Variants in RNF6 observed in about 807,000 individuals in gnomAD.
The protein encoded by RNF6 is ring finger protein 6.
In RNF6, 21 loss-of-function variants were observed where a neutral mutation model predicts 50.1. The ratio of observed to expected loss-of-function variants is 0.42; its 90% CI spans 0.30 to 0.60. RNF6 has a LOEUF of 0.60. Among genes scored for constraint, RNF6 ranks in the 20% least tolerant of loss-of-function variants. The pLI is 0.20. For missense variants in RNF6, 698 were observed against 838.2 expected (o/e 0.83, Z 2.07); for synonymous variants, 255 against 291.8 (o/e 0.87, Z 1.29).
chr13:26,188,057 G>A (rs1873640493), intron 5 of RNF6, among the ~76,000 whole-genome samples: 1 of 152,172 alleles, frequency 6.6e-6, no homozygotes, highest in South Asian at 2.1e-4. Context: ...TAATATCCAA[G>A]GTCCCTTCAG....
chr13:26,207,825 T>C (rs1381027952), downstream of RNF6, among the ~76,000 whole-genome samples: 1 of 152,194 alleles, frequency 6.6e-6, no homozygotes, highest in Non-Finnish European at 1.5e-5. Flanking sequence ...TTCTGGCCCC[T>C]TGGACCCATG....
chr13:26,156,491 G>A (rs7320397), intron 5 of RNF6, among the ~76,000 whole-genome samples: 110,675 of 152,120 alleles, frequency 0.73, 40,482 homozygotes, highest in East Asian at 0.83. Flanking sequence ...TAGTTAAAAT[G>A]CCACATATGT....
chr13:26,162,438 C>A (rs1872257307), intron 5 of RNF6, among the ~76,000 whole-genome samples: 1 of 152,212 alleles, frequency 6.6e-6, no homozygotes, highest in Non-Finnish European at 1.5e-5. Flanking sequence ...ATGGCATGTG[C>A]TGACCTGTCT....
At chr13:26,220,612 C>A (rs1870378465) in intron 2 of RNF6, among the ~76,000 whole-genome samples, 1 of 152,176 alleles carries the variant, frequency 6.6e-6, no homozygotes, top group African/African-American at 2.4e-5. Context: ...ATGCCCAAAT[C>A]TCATCCCCAA....
intron 5 of RNF6, among the ~76,000 whole-genome samples, chr13:26,178,076 C>A (rs895594939): frequency 6.6e-6 from 1 of 152,180 alleles, no homozygotes; most frequent in Non-Finnish European, 1.5e-5. Context: ...GTAATCCCAG[C>A]TACTCAGGAG....
chr13:26,140,761 C>T (rs1172969699), intron 5 of RNF6, among the ~76,000 whole-genome samples: 1 of 152,146 alleles, frequency 6.6e-6, no homozygotes, highest in Non-Finnish European at 1.5e-5. Flanking sequence ...GCTCCTAGAC[C>T]TGATGAACGA....
intron 5 of RNF6, among the ~76,000 whole-genome samples, chr13:26,180,817 C>T (rs1186047462): frequency 1.3e-5 from 2 of 152,218 alleles, no homozygotes; most frequent in Non-Finnish European, 2.9e-5. Context: ...CGTCCAGTCA[C>T]CACCTGCTGC....
At chr13:26,201,951 G>T (rs1057493991) in intron 5 of RNF6, among the ~76,000 whole-genome samples, 4 of 152,024 alleles carry the variant, frequency 2.6e-5, no homozygotes, top group Non-Finnish European at 5.9e-5. Flanking sequence ...TTCATTATGG[G>T]GACCACAAAA....
chr13:26,212,812 T>C lies in RNF6; in HGVS notation c.*1012A>G, dbSNP rs753120786. The C allele has an allele frequency of 6.6e-6, 1 of 152,274 alleles. No homozygotes were observed. Among genetic ancestry groups the C allele is most frequent in the African/African-American group, 2.4e-5 (1 of 41,304 alleles). 9.4% of individuals were successfully genotyped at this position (152,274 alleles called of 1,614,324 possible). A position where few individuals can be genotyped will look rare whatever the true frequency, so the allele number is the denominator to read the frequency against. On this transcript the variant is annotated 3_prime_UTR_variant, in exon 5 of 5. Coordinates refer to ENST00000381588, the MANE Select transcript of RNF6 (RefSeq NM_005977.4). ...TTTATTGGTAGAAACAGATCTTCAA[T>C]GCATACTTTGTGTTTATATAAACTC...
chr13:26,138,358 G>T (rs137901397), intron 5 of RNF6, among the ~76,000 whole-genome samples: 544 of 152,218 alleles, frequency 3.6e-3, no homozygotes, highest in Non-Finnish European at 6.1e-3. Context: ...ACTAAAGGGG[G>T]TTATTCAGCC....
downstream of RNF6, among the ~76,000 whole-genome samples, chr13:26,209,663 T>C (rs1413432073): frequency 6.6e-6 from 1 of 152,232 alleles, no homozygotes; most frequent in Non-Finnish European, 1.5e-5. Flanking sequence ...TTTTGGATTG[T>C]TACCCACTGG....
At chr13:26,137,708 C>T (rs112879755) in intron 5 of RNF6, among the ~76,000 whole-genome samples, 38 of 146,438 alleles carry the variant, frequency 2.6e-4, no homozygotes, top group South Asian at 8.7e-4. Context: ...ATAACTGAAA[C>T]GAGAAATTCA....
intron 5 of RNF6, among the ~76,000 whole-genome samples, chr13:26,170,501 T>G (rs536877092): frequency 6.6e-6 from 1 of 150,592 alleles, no homozygotes; most frequent in South Asian, 2.1e-4. Context: ...TGCGTGAAGA[T>G]GGAGGAACAA....
At chr13:26,149,004 A>G (rs1017846309) in intron 5 of RNF6, among the ~76,000 whole-genome samples, 6 of 152,020 alleles carry the variant, frequency 3.9e-5, no homozygotes, top group African/African-American at 1.4e-4. Context: ...GATAAAATCC[A>G]CGCACATTAT....
chr13:26,188,215 A>T (rs1163776289), intron 5 of RNF6, among the ~76,000 whole-genome samples: 3 of 152,230 alleles, frequency 2.0e-5, no homozygotes, highest in Non-Finnish European at 4.4e-5. Context: ...ATGCAAAACT[A>T]GATTCTATAA....
At chr13:26,144,510 T>C (rs973549376) in intron 5 of RNF6, among the ~76,000 whole-genome samples, 2 of 152,176 alleles carry the variant, frequency 1.3e-5, no homozygotes, top group Admixed American at 6.6e-5. Context: ...CTATAGTCCA[T>C]GAGTCAGTAT....
At chr13:26,136,967 C>T (rs1010419418) in intron 5 of RNF6, among the ~76,000 whole-genome samples, 1 of 152,174 alleles carries the variant, frequency 6.6e-6, no homozygotes, top group African/African-American at 2.4e-5. Flanking sequence ...GATGTTTTAA[C>T]TTGCTCTATT....
At position 26,214,037 on chromosome 13, in the gene RNF6, G is replaced by A. The variant is rs1663180182; in HGVS notation, c.1845C>T (p.Ser615=). 1 of 1,614,166 alleles carries A rather than the reference G, an allele frequency of 6.2e-7. No individual in the cohort carries two copies. The highest frequency in any genetic ancestry group is 8.5e-7 in the Non-Finnish European group (1 of 1,180,022). The change falls in exon 5 of 5, where the codon TCC becomes TCT. Residue 615 remains serine, a synonymous_variant. Transcript: ENST00000381588. ...TACTGTTATGCTCATAGTGCCTGGT[G>A]GAAAGATTGTCAATCTGCTCTTTGG... ...GLTKEQIDNL[S]TRHYEHNSID...
At chr13:26,218,229 A>G (rs1386718051) in intron 4 of RNF6, among the ~76,000 whole-genome samples, 1 of 152,198 alleles carries the variant, frequency 6.6e-6, no homozygotes, top group East Asian at 1.9e-4. Flanking sequence ...TAATGTGTAC[A>G]TTCCAAGATT....
Sources: gnomAD v4.1 joint callset for allele counts (sites outside exome capture counted in the v4.1 genomes callset) on GRCh38, gnomAD v4.1.1 for gene constraint, MANE v1.5 for transcripts, NCBI Gene and HGNC (gene_info 2026-07-23, HGNC 2026-07-21) for gene names.